Variants in ARMC2 observed in about 807,000 individuals in gnomAD.
ARMC2 encodes armadillo repeat-containing protein 2.
A neutral mutation model predicts 90.3 loss-of-function variants in ARMC2; 67 were observed. That is an observed-to-expected ratio of 0.74 (90% CI 0.61 to 0.91). The LOEUF is 0.91. ARMC2 is among the 40% of genes least tolerant of loss of function. ARMC2 has a pLI of 0.00. For missense variants in ARMC2, 920 were observed against 1,030.9 expected, an observed-to-expected ratio of 0.89 and a Z score of 1.47; for synonymous variants, 393 against 393.0, an observed-to-expected ratio of 1.00 and a Z score of 0.00.
chr6:108,924,655 C>T (rs1162006029), intron 10 of ARMC2, among the ~76,000 whole-genome samples: 1 of 151,982 alleles, frequency 6.6e-6, no homozygotes, highest in Non-Finnish European at 1.5e-5. Context: ...AGGGTGGTGC[C>T]GAGGCAAAGG....
At chr6:108,998,774 A>T in the ARMC2 span, 2 of 1,592,138 alleles carry the variant, frequency 1.3e-6, no homozygotes, top group Non-Finnish European at 1.7e-6. Flanking sequence ...GAAAAAAAAA[A>T]AGAATATATT....
At chr6:108,870,364 C>T (rs962337018) in intron 4 of ARMC2, among the ~76,000 whole-genome samples, 19 of 152,098 alleles carry the variant, frequency 1.2e-4, no homozygotes, top group Non-Finnish European at 2.2e-4. Context: ...GGGGCATGAT[C>T]GGAGCTGAGT....
chr6:108,871,939 A>G (rs2806365), intron 4 of ARMC2, among the ~76,000 whole-genome samples: 117,824 of 152,210 alleles, frequency 0.77, 45,986 homozygotes, highest in South Asian at 0.85. Flanking sequence ...AATACTGGCA[A>G]CAAAAAGTCA....
chr6:108,982,816 T>C, the ARMC2 span, among the ~76,000 whole-genome samples: 7 of 149,474 alleles, frequency 4.7e-5, no homozygotes, highest in African/African-American at 1.5e-4. Context: ...ACTTTTCTTT[T>C]TTTTTTTTTT....
chr6:108,977,424 A>T (rs1779003804), downstream of ARMC2, among the ~76,000 whole-genome samples: 1 of 152,196 alleles, frequency 6.6e-6, no homozygotes, highest in Non-Finnish European at 1.5e-5. Context: ...GGATTTTCGC[A>T]TCGATGTTCA....
chr6:108,976,022 A>G (rs1371115749), downstream of ARMC2, among the ~76,000 whole-genome samples: 2 of 152,088 alleles, frequency 1.3e-5, no homozygotes, highest in Non-Finnish European at 2.9e-5. Flanking sequence ...CCCACTTGTC[A>G]ATTTTGGCTT....
At chr6:108,922,837 G>A (rs907485264) in intron 10 of ARMC2, 1 of 152,220 alleles carries the variant, frequency 6.6e-6, no homozygotes, top group African/African-American at 2.4e-5. Context: ...GTTGTCAAGT[G>A]TAGCTCAGTC....
At chr6:108,901,792 C>G (rs1390565332) in intron 7 of ARMC2, among the ~76,000 whole-genome samples, 1 of 152,186 alleles carries the variant, frequency 6.6e-6, no homozygotes, top group Non-Finnish European at 1.5e-5. Context: ...AAATCTTACT[C>G]AAATTTTGCC....
intron 5 of ARMC2, among the ~76,000 whole-genome samples, chr6:108,882,958 C>T (rs1777739119): frequency 6.6e-6 from 1 of 152,104 alleles, no homozygotes; most frequent in African/African-American, 2.4e-5. Flanking sequence ...CATGGTATTC[C>T]AAGAAAAATT....
intron 10 of ARMC2, among the ~76,000 whole-genome samples, chr6:108,916,243 C>T (rs1773955089): frequency 6.6e-6 from 1 of 152,176 alleles, no homozygotes; most frequent in Non-Finnish European, 1.5e-5. Flanking sequence ...CTGTGTCAAA[C>T]ATGTTCTGGG....
the ARMC2 span, among the ~76,000 whole-genome samples, chr6:109,006,825 G>C: frequency 2.3e-4 from 35 of 152,164 alleles, no homozygotes; most frequent in Non-Finnish European, 3.5e-4. Flanking sequence ...TCAATGGGGT[G>C]ATCATAAGCC....
intron 10 of ARMC2, among the ~76,000 whole-genome samples, chr6:108,921,197 A>G (rs998397805): frequency 6.6e-6 from 1 of 152,218 alleles, no homozygotes; most frequent in Non-Finnish European, 1.5e-5. Flanking sequence ...ATGATATTCA[A>G]AATTTCTCCT....
chr6:108,965,166 TGTGA>T, intron 17 of ARMC2, 26 bp downstream of exon 17: 1 of 1,566,838 alleles, frequency 6.4e-7, no homozygotes, highest in South Asian at 1.1e-5. Context: ...ATGATGAGTC[TGTGA>T]GTTTTATCAG....
chr6:109,015,068 A>G, the ARMC2 span, among the ~76,000 whole-genome samples: 2 of 152,176 alleles, frequency 1.3e-5, no homozygotes, highest in African/African-American at 2.4e-5. Flanking sequence ...AGATGTTTCC[A>G]TTAAAAAATT....
the ARMC2 span, among the ~76,000 whole-genome samples, chr6:108,983,501 G>A: frequency 6.6e-6 from 1 of 152,148 alleles, no homozygotes; most frequent in Non-Finnish European, 1.5e-5. Flanking sequence ...ATTTGTTAAA[G>A]AGACTGTCCT....
intron 7 of ARMC2, 140 bp downstream of exon 7, chr6:108,899,932 T>G (rs868623820): frequency 4.5e-6 from 3 of 661,250 alleles, no homozygotes; most frequent in Non-Finnish European, 7.7e-6. Flanking sequence ...CAAAAACAAA[T>G]GAAGTCATCT....
intron 10 of ARMC2, among the ~76,000 whole-genome samples, chr6:108,917,312 G>T (rs1774068405): frequency 6.6e-6 from 1 of 151,872 alleles, no homozygotes; most frequent in Non-Finnish European, 1.5e-5. Context: ...CGCAAATCCA[G>T]ATCCTCTCCC....
chr6:108,862,736 A>G (rs1307645775), intron 3 of ARMC2, among the ~76,000 whole-genome samples: 1 of 152,116 alleles, frequency 6.6e-6, no homozygotes, highest in Non-Finnish European at 1.5e-5. Flanking sequence ...CAGTTAAGGG[A>G]CACATTTGCT....
intron 11 of ARMC2, among the ~76,000 whole-genome samples, chr6:108,930,619 T>G (rs1243946323): frequency 7.0e-6 from 1 of 141,966 alleles, no homozygotes; most frequent in Non-Finnish European, 1.5e-5. Context: ...TTTTTTGAGT[T>G]GGAGTCTTAC....
Sources: gnomAD v4.1 joint callset for allele counts (sites outside exome capture counted in the v4.1 genomes callset) on GRCh38, gnomAD v4.1.1 for gene constraint, MANE v1.5 for transcripts, NCBI Gene and HGNC (gene_info 2026-07-23, HGNC 2026-07-21) for gene names.